The following R3HDM1 variants were observed in gnomAD, a reference collection of about 807,000 sequenced individuals.
The protein encoded by R3HDM1 is R3H domain containing 1.
R3HDM1 carries 46 observed loss-of-function variants against 141.1 expected under a neutral mutation model. The ratio of observed to expected loss-of-function variants is 0.33; its 90% CI spans 0.26 to 0.42. The LOEUF (loss-of-function observed/expected upper bound fraction) is 0.42. Ranked by LOEUF, R3HDM1 falls within the 10% of genes least tolerant of loss-of-function variation. R3HDM1 has a pLI of 1.00. For synonymous variants in R3HDM1, 435 were observed against 472.9 expected, an observed-to-expected ratio of 0.92 and a Z score of 1.04; for missense variants, 1,184 against 1,368.3, an observed-to-expected ratio of 0.87 and a Z score of 2.12.
intron 1 of R3HDM1, among the ~76,000 whole-genome samples, chr2:135,540,506 A>G (rs146029285): frequency 6.9e-4 from 105 of 152,234 alleles, no homozygotes; most frequent in African/African-American, 2.4e-3. Flanking sequence ...GCTTATTGTA[A>G]CCTTGAACTT....
At chr2:135,608,790 CTAT>C (rs762850575) in intron 3 of R3HDM1, among the ~76,000 whole-genome samples, 3 of 152,056 alleles carry the variant, frequency 2.0e-5, no homozygotes, top group African/African-American at 4.8e-5. Flanking sequence ...TTTGGATAAA[CTAT>C]TATTTTTTCT....
intron 16 of R3HDM1, among the ~76,000 whole-genome samples, chr2:135,648,006 CT>C (rs1262904457): frequency 6.6e-6 from 1 of 152,134 alleles, no homozygotes; most frequent in Non-Finnish European, 1.5e-5. Flanking sequence ...CTGACTAAAA[CT>C]TTTGTTTCAT....
intron 1 of R3HDM1, among the ~76,000 whole-genome samples, chr2:135,572,874 C>T (rs1444831916): frequency 6.6e-6 from 1 of 152,138 alleles, no homozygotes; most frequent in East Asian, 1.9e-4. Flanking sequence ...CTCTTGATAT[C>T]ACTGTGCTAA....
chr2:135,642,534 A>C (rs1476724195), intron 15 of R3HDM1, among the ~76,000 whole-genome samples: 1 of 152,218 alleles, frequency 6.6e-6, no homozygotes, highest in Non-Finnish European at 1.5e-5. Flanking sequence ...TGATTTATAT[A>C]GAAAAAATGA....
At chr2:135,720,903 AATC>A (rs1486552614) in intron 24 of R3HDM1, among the ~76,000 whole-genome samples, 2 of 152,234 alleles carry the variant, frequency 1.3e-5, no homozygotes, top group African/African-American at 4.8e-5. Flanking sequence ...GTAAGATTTT[AATC>A]ATAATAGAGT....
Position 135,725,120 on chromosome 2 carries a change from ATTGT to A in R3HDM1, c.*832_*835del, listed in dbSNP as rs2077031377. On this transcript the variant is annotated 3_prime_UTR_variant, in exon 27 of 27. Transcript: ENST00000683871. Reference sequence around the variant, plus strand: ...CTTAAGTGCTTTACAGTTTGTTTTCATTGTTTGCAGCGGATCACTGGACATCAAA... The same window carrying A: ...CTTAAGTGCTTTACAGTTTGTTTTCATTGCAGCGGATCACTGGACATCAAA... 2.0e-5 allele frequency: 3 copies of A among 152,414 alleles called. No homozygotes were observed. In the South Asian group the frequency reaches 6.2e-4, roughly 32 times the overall value. The allele number at this position is 152,414 out of a possible 1,614,324, so 9.4% of individuals were successfully genotyped here. A position where few individuals can be genotyped will look rare whatever the true frequency, so the allele number is the denominator to read the frequency against.
In R3HDM1 at chr2:135,541,171, T is replaced by A. The variant is rs544521603; in HGVS notation, c.-250+9538T>A. Among the ~76,000 whole-genome samples, 29 of 152,260 alleles carry A rather than the reference T, an allele frequency of 1.9e-4. 1 individual carries two copies. Among genetic ancestry groups the A allele is most frequent in the Admixed American group, 1.7e-3 (26 of 15,292 alleles). On this transcript the variant is annotated intron_variant, in intron 1 of 26. Coordinates refer to ENST00000683871, the MANE Select transcript of R3HDM1 (RefSeq NM_001378107.1). Reference sequence around the variant, plus strand: ...GATTTTCAGAAGGTTAAATGAGCGCTGTCTTCAACTTAAAGTTAAGTATCT... The same window carrying A: ...GATTTTCAGAAGGTTAAATGAGCGCAGTCTTCAACTTAAAGTTAAGTATCT...
intron 17 of R3HDM1, chr2:135,651,453 C>A (rs1344406310): frequency 1.0e-6 from 1 of 974,512 alleles, no homozygotes; most frequent in East Asian, 1.2e-4. Context: ...AAATAAATGT[C>A]TTCATTTTTT....
chr2:135,550,185 T>C (rs776432942), intron 1 of R3HDM1: 14 of 985,070 alleles, frequency 1.4e-5, no homozygotes, highest in Non-Finnish European at 1.7e-5. Context: ...CCACAGCTTT[T>C]TGTGAGTGTT....
At chr2:135,592,817 G>A (rs900485818) in intron 1 of R3HDM1, among the ~76,000 whole-genome samples, 6 of 151,690 alleles carry the variant, frequency 4.0e-5, no homozygotes, top group Non-Finnish European at 8.8e-5. Flanking sequence ...ATGCAGTGGC[G>A]CTATCGTAGT....
At chr2:135,575,364 T>C (rs1046422513) in intron 1 of R3HDM1, among the ~76,000 whole-genome samples, 2 of 152,160 alleles carry the variant, frequency 1.3e-5, no homozygotes, top group African/African-American at 2.4e-5. Context: ...GTATTTTCAG[T>C]AGAGACAGGG....
intron 3 of R3HDM1, chr2:135,607,237 T>C: frequency 1.2e-6 from 1 of 822,828 alleles, no homozygotes; most frequent in South Asian, 5.6e-5. Flanking sequence ...TCCACCTGCC[T>C]CAGCCTCCCA....
rs760793686 is a variant in R3HDM1 at position 135,724,038 on chromosome 2, C to G, written c.3151C>G (p.Arg1051Gly). The G allele has an allele frequency of 1.4e-5, 23 of 1,613,870 alleles. No homozygotes were observed. Among genetic ancestry groups the G allele is most frequent in the Non-Finnish European group, 2.5e-6 (3 of 1,179,986 alleles). The change falls in exon 27 of 27, where the codon CGG becomes GGG. Residue 1051 changes from arginine to glycine, a missense_variant. Arg to Gly is a moderately radical substitution (Grantham distance 125). Coordinates refer to ENST00000683871, the MANE Select transcript of R3HDM1 (RefSeq NM_001378107.1). The stretch of plus-strand genomic sequence containing the variant: ...ACTCTTTAAAATTGGCGCCAAGATC[C>G]GGTGGCTCCGGGACCCCCAGTCCCA... ...GELFKIGAKI[R>G]WLRDPQSQPR...
chr2:135,668,044 T>A (rs567042120), intron 19 of R3HDM1, among the ~76,000 whole-genome samples: 1 of 152,178 alleles, frequency 6.6e-6, no homozygotes, highest in African/African-American at 2.4e-5. Context: ...AATTAAATGA[T>A]CCTTTATTTT....
intron 19 of R3HDM1, chr2:135,670,398 A>G: frequency 1.0e-6 from 1 of 975,934 alleles, no homozygotes; most frequent in Non-Finnish European, 1.2e-6. Context: ...AGTAAAGATC[A>G]GTTGAGTTGT....
At chr2:135,620,568 G>A (rs867308922) in intron 5 of R3HDM1, 15 of 982,486 alleles carry the variant, frequency 1.5e-5, no homozygotes, top group Non-Finnish European at 1.8e-5. Context: ...AAAATAGCAG[G>A]TAGCAGTCCT....
intron 19 of R3HDM1, among the ~76,000 whole-genome samples, chr2:135,669,920 C>T (rs559216407): frequency 7.9e-5 from 12 of 152,186 alleles, no homozygotes; most frequent in Middle Eastern, 6.8e-3. Context: ...GGTCCAATCA[C>T]CTGGTGTCAG....
intron 6 of R3HDM1, chr2:135,621,887 A>G: frequency 1.0e-6 from 1 of 976,596 alleles, no homozygotes; most frequent in Non-Finnish European, 1.2e-6. Context: ...AGTCATTATA[A>G]TTTTTATATT....
intron 1 of R3HDM1, among the ~76,000 whole-genome samples, chr2:135,598,985 A>G (rs992794943): frequency 1.3e-5 from 2 of 152,154 alleles, no homozygotes; most frequent in Non-Finnish European, 2.9e-5. Context: ...TTTTATAACT[A>G]TTTACCTTTA....
Sources: gnomAD v4.1 joint callset for allele counts (sites outside exome capture counted in the v4.1 genomes callset) on GRCh38, gnomAD v4.1.1 for gene constraint, MANE v1.5 for transcripts, NCBI Gene and HGNC (gene_info 2026-07-23, HGNC 2026-07-21) for gene names.